The following APTX variants were observed in gnomAD, a reference collection of about 807,000 sequenced individuals.
APTX encodes the protein forkhead-associated domain histidine triad-like protein.
APTX carries 33 observed loss-of-function variants against 42.3 expected under a neutral mutation model. The ratio of observed to expected loss-of-function variants is 0.78; its 90% CI spans 0.59 to 1.04. The LOEUF (loss-of-function observed/expected upper bound fraction) is 1.04, where lower values mean the gene tolerates loss of function less well. Among genes scored for constraint, APTX ranks in the 50% least tolerant of loss-of-function variants. The probability of loss-of-function intolerance (pLI) is 0.00; values close to 1 mark genes in which losing one functional copy is unlikely to be tolerated. For missense variants in APTX, 421 were observed against 415.1 expected (o/e 1.01, Z -0.12); for synonymous variants, 130 against 146.7 (o/e 0.89, Z 0.82).
intron 1 of APTX, among the ~76,000 whole-genome samples, chr9:33,019,384 T>C (rs1165424267): frequency 6.6e-6 from 1 of 151,354 alleles, no homozygotes; most frequent in Non-Finnish European, 1.5e-5. Context: ...AATTAAAAAC[T>C]AAATATTCTA....
chr9:32,975,087 A>C (rs1481001944), intron 6 of APTX, among the ~76,000 whole-genome samples: 2 of 152,072 alleles, frequency 1.3e-5, no homozygotes, highest in Admixed American at 6.5e-5. Flanking sequence ...GAGGAGGCCA[A>C]GAGCAGGGGC....
At chr9:33,024,839 A>G (rs1413290482) in intron 1 of APTX, 7 of 121,826 alleles carry the variant, frequency 5.7e-5, no homozygotes, top group Non-Finnish European at 1.1e-4. Context: ...ACGTTCCCAA[A>G]AAGAGAAGAG....
intron 5 of APTX, 93 bp from the exon 6 acceptor site, chr9:32,984,950 A>G (rs558899459): frequency 7.5e-6 from 9 of 1,199,066 alleles, no homozygotes; most frequent in Non-Finnish European, 7.3e-6. Context: ...TAATTCCCAC[A>G]GTCTTGTGCA....
chr9:33,002,677 A>G (rs549431247), upstream of APTX, among the ~76,000 whole-genome samples: 1 of 152,084 alleles, frequency 6.6e-6, no homozygotes, highest in East Asian at 1.9e-4. Flanking sequence ...CCACTGCAAA[A>G]CCCCGTTGCA....
intron 1 of APTX, among the ~76,000 whole-genome samples, chr9:33,006,767 G>A (rs12378233): frequency 0.073 from 11,142 of 151,992 alleles, 551 homozygotes; most frequent in Non-Finnish European, 0.11. Context: ...TTGGGAGGCC[G>A]AGGCAGGCGA....
chr9:32,982,476 T>C (rs1271718138), intron 6 of APTX, among the ~76,000 whole-genome samples: 1 of 152,230 alleles, frequency 6.6e-6, no homozygotes, highest in East Asian at 1.9e-4. Flanking sequence ...CTTTGTTCTT[T>C]TTCATACTTA....
intron 1 of APTX, among the ~76,000 whole-genome samples, chr9:33,007,768 T>TA (rs924231268): frequency 5.7e-4 from 83 of 146,100 alleles, no homozygotes; most frequent in East Asian, 7.9e-4. Context: ...AAAACGATAT[T>TA]AAAAAAAAAA....
chr9:32,986,076 A>G (rs1387815185), intron 4 of APTX, 46 bp from the exon 5 acceptor site: 1 of 1,459,678 alleles, frequency 6.9e-7, no homozygotes, highest in South Asian at 1.2e-5. Context: ...AAAAACAAGC[A>G]ATGTAAATTA....
chr9:32,997,706 C>T (rs913030940), intron 1 of APTX, among the ~76,000 whole-genome samples: 12 of 152,268 alleles, frequency 7.9e-5, no homozygotes, highest in African/African-American at 2.9e-4. Flanking sequence ...AAGCATGAGG[C>T]AGAGAAGAGG....
intron 4 of APTX, among the ~76,000 whole-genome samples, chr9:32,986,544 C>T (rs953671642): frequency 1.3e-5 from 2 of 150,292 alleles, no homozygotes; most frequent in African/African-American, 2.5e-5. Flanking sequence ...CTCTTGTTGC[C>T]CAGGCTGGAG....
chr9:32,979,728 A>T, intron 6 of APTX: 1 of 170,262 alleles, frequency 5.9e-6, no homozygotes, highest in Non-Finnish European at 1.3e-5. Flanking sequence ...TGAGCCCATC[A>T]CTAGCCATTT....
intron 6 of APTX, among the ~76,000 whole-genome samples, chr9:32,981,111 A>G (rs1830583541): frequency 6.6e-6 from 1 of 152,220 alleles, no homozygotes; most frequent in Non-Finnish European, 1.5e-5. Context: ...TTTTGACTAG[A>G]TACGATAAGG....
chr9:32,984,909 T>G (rs543606168), intron 5 of APTX, 52 bp from the exon 6 acceptor site: 2 of 1,499,786 alleles, frequency 1.3e-6, no homozygotes, highest in Non-Finnish European at 1.9e-6. Flanking sequence ...GAATCTTCTG[T>G]GTGCCTGGTT....
At chr9:33,013,731 G>A (rs1837703282) in intron 1 of APTX, among the ~76,000 whole-genome samples, 1 of 152,204 alleles carries the variant, frequency 6.6e-6, no homozygotes, top group African/African-American at 2.4e-5. Flanking sequence ...GTGAACCCGG[G>A]AGGCGGAGCT....
chr9:32,984,329 C>A (rs868597942), intron 6 of APTX, among the ~76,000 whole-genome samples: 14 of 152,226 alleles, frequency 9.2e-5, no homozygotes, highest in South Asian at 2.1e-4. Context: ...AAGCCACTGA[C>A]CACAATTCTT....
chr9:32,995,836 C>T (rs1297646848), intron 1 of APTX, among the ~76,000 whole-genome samples: 1 of 149,560 alleles, frequency 6.7e-6, no homozygotes, highest in African/African-American at 2.5e-5. Flanking sequence ...TGCAGTGAAC[C>T]GAGATCGCGC....
intron 6 of APTX, among the ~76,000 whole-genome samples, chr9:32,975,699 TA>T (rs1306989375): frequency 1.3e-5 from 2 of 151,876 alleles, no homozygotes; most frequent in Admixed American, 6.6e-5. Flanking sequence ...ACTCCATCAC[TA>T]AAAAAAGAAG....
At chr9:32,991,073 T>C (rs1249093762) in intron 1 of APTX, among the ~76,000 whole-genome samples, 1 of 152,112 alleles carries the variant, frequency 6.6e-6, no homozygotes, top group Admixed American at 6.6e-5. Flanking sequence ...ATTATGGGCA[T>C]GTGTCACCAC....
chr9:33,011,624 A>G (rs919577443), intron 1 of APTX, among the ~76,000 whole-genome samples: 15 of 152,202 alleles, frequency 9.9e-5, no homozygotes, highest in African/African-American at 3.6e-4. Context: ...TAATTATTTT[A>G]TGGCACCAGA....
Sources: allele counts gnomAD v4.1 joint callset (sites outside exome capture counted in the v4.1 genomes callset), GRCh38; gene constraint gnomAD v4.1.1; transcripts MANE v1.5; gene names NCBI Gene and HGNC (gene_info 2026-07-23, HGNC 2026-07-21).